The following DYNC1H1 variants were observed in gnomAD, a reference collection of about 807,000 sequenced individuals.
DYNC1H1 encodes the protein cytoplasmic dynein 1 heavy chain 1.
Under a neutral mutation model 527.1 loss-of-function variants are expected in DYNC1H1, and 51 were observed. The ratio of observed to expected loss-of-function variants is 0.10; its 90% confidence interval spans 0.08 to 0.12. The LOEUF (loss-of-function observed/expected upper bound fraction) is 0.12, where lower values mean the gene tolerates loss of function less well. DYNC1H1 is among the 10% of genes least tolerant of loss of function. The probability of loss-of-function intolerance (pLI) is 1.00; values close to 1 mark genes in which losing one functional copy is unlikely to be tolerated. For synonymous variants in DYNC1H1, 2,189 were observed against 2,278.8 expected (o/e 0.96, Z 1.12); for missense variants, 2,771 against 5,971.8 (o/e 0.46, Z 17.66).
At chr14:102,025,008 T>G (rs567222691) in intron 43 of DYNC1H1, among the ~76,000 whole-genome samples, 1 of 151,868 alleles carries the variant, frequency 6.6e-6, no homozygotes, top group Admixed American at 6.5e-5. Context: ...TTTTACTCTT[T>G]ATAAGGTCTT....
intron 51 of DYNC1H1, 50 bp from the exon 52 acceptor site, chr14:102,032,222 C>G (rs763500208): frequency 6.2e-7 from 1 of 1,609,812 alleles, no homozygotes; most frequent in East Asian, 2.2e-5. Context: ...CCATGCTTTG[C>G]TCTATCTTCT....
At chr14:102,013,044 T>A (rs574703324) in intron 34 of DYNC1H1, among the ~76,000 whole-genome samples, 14 of 151,922 alleles carry the variant, frequency 9.2e-5, no homozygotes, top group African/African-American at 3.1e-4. Context: ...AGTCAGGAGA[T>A]TGAGACCATT....
At position 102,011,535 on chromosome 14, in the gene DYNC1H1, G is replaced by T; in HGVS notation, c.6619-340G>T. 1 of 364,242 alleles carries T rather than the reference G, an allele frequency of 2.7e-6. No individual in the cohort carries two copies. The highest frequency in any genetic ancestry group is 5.3e-6 in the Non-Finnish European group (1 of 188,338). 22.6% of individuals were successfully genotyped at this position (364,242 alleles called of 1,614,324 possible). On this transcript the variant is annotated intron_variant, in intron 32 of 77. Transcript: ENST00000360184. This position sits in a 1 kb window ranked among gnomAD's most constrained non-coding sequence, Gnocchi z 5.3. ...CTGACTTACTAAAGAACTCGCCACA[G>T]TTTGGAAATGTTTGTTTTACATGTG...
chr14:101,973,421 A>C (rs1159900941), intron 1 of DYNC1H1, among the ~76,000 whole-genome samples: 5 of 152,078 alleles, frequency 3.3e-5, no homozygotes, highest in Admixed American at 6.6e-5. Flanking sequence ...CGGCCTCCCA[A>C]AGTGCTGAGA....
intron 1 of DYNC1H1, among the ~76,000 whole-genome samples, chr14:101,972,181 TAATC>T (rs1566993747): frequency 6.6e-6 from 1 of 150,652 alleles, no homozygotes; most frequent in African/African-American, 2.4e-5. Flanking sequence ...TAAGAATTAA[TAATC>T]AAGTGTCCTT....
In DYNC1H1 at chr14:102,040,678, G is replaced by A; in HGVS notation, c.11941+5G>A. On this transcript the variant is annotated splice_donor_5th_base_variant and intron_variant, in intron 64 of 77. Coordinates refer to ENST00000360184, the MANE Select transcript of DYNC1H1 (RefSeq NM_001376.5). Reference sequence around the variant, plus strand: ...GGAGTGAAGAAACACCTGCAAGTAAGCCCCACTGTGGTTTTCTTTCTGGAC... The same window carrying A: ...GGAGTGAAGAAACACCTGCAAGTAAACCCCACTGTGGTTTTCTTTCTGGAC... 6.2e-7 allele frequency: 1 copy of A among 1,614,222 alleles called. No individual in the cohort carries two copies. Among genetic ancestry groups the A allele is most frequent in the East Asian group, 2.2e-5 (1 of 44,890 alleles).
Position 101,985,739 on chromosome 14 carries a change from T to G in DYNC1H1, c.1514T>G (p.Met505Arg). 1.2e-6 allele frequency: 2 copies of G among 1,614,192 alleles called. No individual in the cohort carries two copies. Among genetic ancestry groups the G allele is most frequent in the Non-Finnish European group, 8.5e-7 (1 of 1,180,030 alleles). Residue 505 changes from methionine to arginine, a missense_variant, in exon 8 of 78, where the codon ATG becomes AGG. Physicochemically the swap from Met to Arg is moderately conservative, Grantham distance 91. Coordinates refer to ENST00000360184, the MANE Select transcript of DYNC1H1 (RefSeq NM_001376.5). This position sits in a 1 kb window ranked among gnomAD's most constrained non-coding sequence, Gnocchi z 5.9. ...GGAGAGGTCCCTGAACCCCAAGATA[T>G]GAAAGTGGCTGAGGTTCTCTTTGAT... is the stretch of plus-strand genomic sequence containing the variant. Reference protein sequence around the residue: ...NQGEVPEPQDMKVAEVLFDAA... With the variant: ...NQGEVPEPQDRKVAEVLFDAA...
At position 102,012,611 on chromosome 14, in the gene DYNC1H1, G is replaced by A. The variant is rs899981362; in HGVS notation, c.7014+141G>A. 4 of 1,183,748 alleles carry A rather than the reference G, an allele frequency of 3.4e-6. No homozygotes were observed. Among genetic ancestry groups the A allele is most frequent in the Admixed American group, 3.6e-5 (2 of 56,008 alleles). The allele number at this position is 1,183,748 out of a possible 1,614,324, so 73.3% of individuals were successfully genotyped here. ...ATTGTGTAAGTAATTTTCAAAGATA[G>A]CATCTCAACTGCTAGATTTTTTTTC... On this transcript the variant is annotated intron_variant, in intron 34 of 77. Transcript: ENST00000360184. This position sits in a 1 kb window ranked among gnomAD's most constrained non-coding sequence, Gnocchi z 4.9.
Position 101,997,292 on chromosome 14 carries a change from G to C in DYNC1H1, c.3804+18G>C. On this transcript the variant is annotated intron_variant, in intron 16 of 77. Coordinates refer to ENST00000360184, the MANE Select transcript of DYNC1H1 (RefSeq NM_001376.5). This position sits in a 1 kb window ranked among gnomAD's most constrained non-coding sequence, Gnocchi z 4.8. ...CTGTCACGGTGAGTCCCGCCAGGTG[G>C]GGACGCAGGAGACTCCTCACCCAGC... 1 of 1,614,026 alleles carries C rather than the reference G, an allele frequency of 6.2e-7. No homozygotes were observed. The highest frequency in any genetic ancestry group is 8.5e-7 in the Non-Finnish European group (1 of 1,180,024).
In DYNC1H1 at chr14:102,041,859, C is replaced by T. The variant is rs1046138042; in HGVS notation, c.12102+125C>T. The T allele has an allele frequency of 2.0e-5, 30 of 1,532,662 alleles. No individual in the cohort carries two copies. In the Admixed American group the frequency reaches 3.3e-4, roughly 17 times the overall value. 94.9% of individuals were successfully genotyped at this position (1,532,662 alleles called of 1,614,324 possible). On this transcript the variant is annotated intron_variant, in intron 65 of 77. Transcript: ENST00000360184. This position sits in a 1 kb window ranked among gnomAD's most constrained non-coding sequence, Gnocchi z 4.5. ...CAGTCTCCTCCTAAGACCAGGAACT[C>T]GCTGCAGATTCTCAACTCCTGGCTG...
At chr14:102,043,789 A>G (rs2152597392) in intron 69 of DYNC1H1, 86 bp from the exon 70 acceptor site, 1 of 1,593,452 alleles carries the variant, frequency 6.3e-7, no homozygotes, top group East Asian at 2.2e-5. Flanking sequence ...AGCTCTTTGT[A>G]AAGCTTTGAC....
chr14:102,039,072 A>G lies in DYNC1H1; in HGVS notation c.11278A>G (p.Ile3760Val). ...LQALNEVKGR[I>V]LDDDTIITTL... ...AGCTCTGAACGAGGTGAAAGGGCGCATTTTGGATGACGACACGATCATAAC... is the reference window on the plus strand; with the variant it reads ...AGCTCTGAACGAGGTGAAAGGGCGCGTTTTGGATGACGACACGATCATAAC... The change falls in exon 60 of 78, where the codon ATT becomes GTT. Residue 3760 changes from isoleucine to valine, a missense_variant. Physicochemically the swap from Ile to Val is conservative, Grantham distance 29. Transcript: ENST00000360184. The surrounding 1 kb of genome is among the most constrained non-coding windows in gnomAD (Gnocchi z 7.0). The G allele has an allele frequency of 6.2e-7, 1 of 1,614,240 alleles. No individual in the cohort carries two copies. The highest frequency in any genetic ancestry group is 8.5e-7 in the Non-Finnish European group (1 of 1,180,042).
Position 102,055,854 on chromosome 14 carries a change from G to C in DYNC1H1, c.*5291G>C, listed in dbSNP as rs758658561. On this transcript the variant is annotated 3_prime_UTR_variant, in exon 78 of 78. Coordinates refer to ENST00000360184, the MANE Select transcript of DYNC1H1 (RefSeq NM_001376.5). ...ACTTCCCCGCCTGGCCCTGGGCCCC[G>C]CTATTCCATCTCAATCTCTGCCCTG... is the stretch of plus-strand genomic sequence containing the variant. The C allele has an allele frequency of 6.6e-6, 1 of 152,354 alleles. No individual in the cohort carries two copies. Among genetic ancestry groups the C allele is most frequent in the African/African-American group, 2.4e-5 (1 of 41,406 alleles). 9.4% of individuals were successfully genotyped at this position (152,354 alleles called of 1,614,324 possible).
rs968044796 is a variant in DYNC1H1, at chr14:101,964,591, G to C, written c.-101G>C. The C allele has an allele frequency of 6.6e-7, 1 of 1,525,468 alleles. No homozygotes were observed. The highest frequency in any genetic ancestry group is 1.4e-5 in the African/African-American group (1 of 72,542). 94.5% of individuals were successfully genotyped at this position (1,525,468 alleles called of 1,614,324 possible). On this transcript the variant is annotated 5_prime_UTR_variant, in exon 1 of 78. Coordinates refer to ENST00000360184, the MANE Select transcript of DYNC1H1 (RefSeq NM_001376.5). The surrounding 1 kb of genome is among the most constrained non-coding windows in gnomAD (Gnocchi z 5.5). ...TCTCCTCAGTCTGCGGTGGGCTAGC[G>C]GACGGTCCGGCTTCCGGCGGCCGTT...
In DYNC1H1 at chr14:101,984,381, GTA is replaced by G. The variant is rs199689062; in HGVS notation, c.1461+782_1461+783del. On this transcript the variant is annotated intron_variant, in intron 7 of 77. Transcript: ENST00000360184. ...GTGATTCTGTATTGTGTGTGTGTGTGTATATATATATGCGTATATATGTGTGT... is the reference window on the plus strand; with the variant it reads ...GTGATTCTGTATTGTGTGTGTGTGTGTATATATATGCGTATATATGTGTGT... Among the ~76,000 whole-genome samples, 136 of 128,650 alleles carry G rather than the reference GTA, an allele frequency of 1.1e-3. No individual in the cohort carries two copies. In the East Asian group the frequency reaches 0.026, roughly 25 times the overall value. 84.4% of individuals were successfully genotyped at this position (128,650 alleles called of 152,430 possible).
chr14:102,030,133 C>G (rs928344391), intron 50 of DYNC1H1, 29 bp from the exon 51 acceptor site: 2 of 1,613,878 alleles, frequency 1.2e-6, no homozygotes, highest in African/African-American at 2.7e-5. Flanking sequence ...CAATGCTTAA[C>G]CCATACCTAA....
intron 5 of DYNC1H1, among the ~76,000 whole-genome samples, chr14:101,981,074 ATGT>A (rs1044773699): frequency 2.0e-5 from 3 of 152,040 alleles, no homozygotes; most frequent in Admixed American, 6.6e-5. Flanking sequence ...AGTGCCAGTG[ATGT>A]TGTTTTTTGT....
In DYNC1H1 at chr14:101,964,678, C is replaced by T; in HGVS notation, c.-14C>T. On this transcript the variant is annotated 5_prime_UTR_variant, in exon 1 of 78. Transcript: ENST00000360184. The surrounding 1 kb of genome is among the most constrained non-coding windows in gnomAD (Gnocchi z 5.5). ...GCCTTCTCATCGCTCCTGGAAGGTC[C>T]CGAGCGCGACACCATGTCGGAGCCC... 1 of 1,581,670 alleles carries T rather than the reference C, an allele frequency of 6.3e-7. No individual in the cohort carries two copies. Among genetic ancestry groups the T allele is most frequent in the African/African-American group, 1.3e-5 (1 of 74,632 alleles).
chr14:102,030,389 T>C, intron 51 of DYNC1H1, 107 bp downstream of exon 51: 1 of 1,556,820 alleles, frequency 6.4e-7, no homozygotes, highest in Admixed American at 1.8e-5. Flanking sequence ...CCTCAAAGGT[T>C]CTGGTTTCCA....
Sources: gnomAD v4.1 joint callset for allele counts (sites outside exome capture counted in the v4.1 genomes callset) on GRCh38, gnomAD v4.1.1 for gene constraint, Gnocchi (gnomAD v3.1) non-coding constraint, MANE v1.5 for transcripts, NCBI Gene and HGNC (gene_info 2026-07-23, HGNC 2026-07-21) for gene names.